Variants in NAP1L1 observed in about 807,000 individuals in gnomAD.
The protein encoded by NAP1L1 is nucleosome assembly protein 1 like 1.
In NAP1L1, 9 loss-of-function variants were observed where a neutral mutation model predicts 58.9. That is an observed-to-expected ratio of 0.15 (90% CI 0.09 to 0.27). The LOEUF (loss-of-function observed/expected upper bound fraction) is 0.27, where lower values mean the gene tolerates loss of function less well. Ranked by LOEUF, NAP1L1 falls within the 10% of genes least tolerant of loss-of-function variation. The pLI is 1.00. For synonymous variants in NAP1L1, 130 were observed against 138.3 expected, an observed-to-expected ratio of 0.94 and a Z score of 0.42; for missense variants, 302 against 458.8, an observed-to-expected ratio of 0.66 and a Z score of 3.12.
In NAP1L1 at chr12:76,056,048, G is replaced by A. The variant is rs1430728531; in HGVS notation, c.543C>T (p.Leu181=). ...ATAAAATTACCTGAACCATATCACT[G>A]AGCAAGTCAACATTCTTAAAAACAG... The part of the protein sequence containing the change: ...WLTVFKNVDL[L]SDMVQEHDEP... The change falls in exon 7 of 15, where the codon CTC becomes CTT. Residue 181 remains leucine, a synonymous_variant. Transcript: ENST00000618691. The A allele has an allele frequency of 1.2e-6, 2 of 1,611,548 alleles. No individual in the cohort carries two copies. The highest frequency in any genetic ancestry group is 1.7e-6 in the Non-Finnish European group (2 of 1,179,730).
intron 2 of NAP1L1, among the ~76,000 whole-genome samples, chr12:76,073,297 A>G (rs1369784929): frequency 6.6e-6 from 1 of 152,088 alleles, no homozygotes; most frequent in African/African-American, 2.4e-5. Flanking sequence ...AAAATAATTT[A>G]GCATCCCCTC....
chr12:76,048,283 G>C lies in NAP1L1; in HGVS notation c.*146C>G. 1.3e-6 allele frequency: 1 copy of C among 785,460 alleles called. No individual in the cohort carries two copies. Among genetic ancestry groups the C allele is most frequent in the Non-Finnish European group, 2.0e-6 (1 of 495,264 alleles). 48.7% of individuals were successfully genotyped at this position (785,460 alleles called of 1,614,324 possible). A position where few individuals can be genotyped will look rare whatever the true frequency, so the allele number is the denominator to read the frequency against. On this transcript the variant is annotated 3_prime_UTR_variant, in exon 15 of 15. Transcript: ENST00000618691. Reference sequence around the variant, plus strand: ...GTTAAAATGCTAGGTAGAACAAATTGGTCTTTAAAATATCAGTTTCCTGTC... The same window carrying C: ...GTTAAAATGCTAGGTAGAACAAATTCGTCTTTAAAATATCAGTTTCCTGTC...
At chr12:76,082,503 T>C (rs1168098292) in intron 1 of NAP1L1, among the ~76,000 whole-genome samples, 1 of 152,240 alleles carries the variant, frequency 6.6e-6, no homozygotes, top group Non-Finnish European at 1.5e-5. Flanking sequence ...CAAATTGGTA[T>C]AGTGAAAACT....
chr12:76,049,134 T>G, intron 14 of NAP1L1, 66 bp downstream of exon 14: 3 of 1,482,704 alleles, frequency 2.0e-6, no homozygotes, highest in Non-Finnish European at 2.8e-6. Context: ...AACTTGATAT[T>G]CAAAAACACC....
chr12:76,078,992 T>C (rs1232056414), intron 1 of NAP1L1, among the ~76,000 whole-genome samples: 9 of 149,486 alleles, frequency 6.0e-5, no homozygotes, highest in African/African-American at 2.3e-4. Context: ...CATATATATA[T>C]ATACACACAC....
rs1482548630 is a variant in NAP1L1, at chr12:76,045,825, TATG to T, written c.*2601_*2603del. On this transcript the variant is annotated 3_prime_UTR_variant, in exon 15 of 15. Coordinates refer to ENST00000618691, the MANE Select transcript of NAP1L1 (RefSeq NM_004537.7). ...TATCAGTTTTCTTTATAAGTGATTA[TATG>T]ATATTTCACCATTTCTAACAGGAAA... is the stretch of plus-strand genomic sequence containing the variant. 2.6e-5 allele frequency: 4 copies of T among 152,102 alleles called. No individual in the cohort carries two copies. The highest frequency in any genetic ancestry group is 6.5e-5 in the Admixed American group (1 of 15,278). 9.4% of individuals were successfully genotyped at this position (152,102 alleles called of 1,614,324 possible). A position where few individuals can be genotyped will look rare whatever the true frequency, so the allele number is the denominator to read the frequency against.
chr12:76,074,004 G>A (rs1442753295), intron 2 of NAP1L1, 199 bp downstream of exon 2: 5 of 481,054 alleles, frequency 1.0e-5, no homozygotes, highest in Non-Finnish European at 1.9e-5. Context: ...CGATGGTTTC[G>A]AATATATGAT....
At chr12:76,059,952 G>C (rs951519297) in intron 5 of NAP1L1, 74 bp from the exon 6 acceptor site, 1 of 1,307,624 alleles carries the variant, frequency 7.6e-7, no homozygotes, top group African/African-American at 1.5e-5. Flanking sequence ...TTCTCACTAA[G>C]AAGTCTTACA....
At chr12:76,054,983 T>C in intron 8 of NAP1L1, 36 bp downstream of exon 8, 2 of 1,456,630 alleles carry the variant, frequency 1.4e-6, no homozygotes, top group Non-Finnish European at 1.9e-6. Context: ...CCTGTAAGCA[T>C]GTTACAAAAT....
At chr12:76,083,792 G>A (rs1449807419) in intron 1 of NAP1L1, 1 of 152,218 alleles carries the variant, frequency 6.6e-6, no homozygotes, top group Non-Finnish European at 1.5e-5. Context: ...AAGAGAAGCA[G>A]GGAAGAGTTT....
chr12:76,060,830 C>T (rs1164168970), intron 4 of NAP1L1, among the ~76,000 whole-genome samples: 3 of 152,160 alleles, frequency 2.0e-5, no homozygotes, highest in Non-Finnish European at 4.4e-5. Flanking sequence ...CTATGGCTCA[C>T]AACTGTAGTC....
intron 11 of NAP1L1, among the ~76,000 whole-genome samples, chr12:76,052,807 G>C (rs964547942): frequency 1.3e-5 from 2 of 152,106 alleles, no homozygotes; most frequent in Non-Finnish European, 1.5e-5. Flanking sequence ...AATATATTCT[G>C]GTTTTACTAA....
In NAP1L1 at chr12:76,061,110, C is replaced by T. The variant is rs1047911534; in HGVS notation, c.207-831G>A. 13 of 388,728 alleles carry T rather than the reference C, an allele frequency of 3.3e-5. No individual in the cohort carries two copies. The Admixed American group carries it at 3.8e-4, about 11-fold the overall frequency. 24.1% of individuals were successfully genotyped at this position (388,728 alleles called of 1,614,324 possible). A position where few individuals can be genotyped will look rare whatever the true frequency, so the allele number is the denominator to read the frequency against. ...ACCCTGTCTCAAAAATAAATAACAG[C>T]TTTGATGAGATAAAGTTCATACACC... On this transcript the variant is annotated intron_variant, in intron 4 of 14. Coordinates refer to ENST00000618691, the MANE Select transcript of NAP1L1 (RefSeq NM_004537.7).
intron 7 of NAP1L1, among the ~76,000 whole-genome samples, chr12:76,055,686 C>A (rs1307955009): frequency 2.0e-5 from 3 of 152,158 alleles, no homozygotes; most frequent in Admixed American, 1.3e-4. Flanking sequence ...ATGCAAATTT[C>A]TCCTGGAAGA....
chr12:76,057,596 G>A (rs1949175667), intron 6 of NAP1L1: 1 of 1,109,764 alleles, frequency 9.0e-7, no homozygotes, highest in Non-Finnish European at 1.4e-6. Context: ...CCAAGGAACA[G>A]AGCCAAGTTA....
At chr12:76,048,610 A>G (rs1948683791) in intron 14 of NAP1L1, 146 bp from the exon 15 acceptor site, 8 of 755,124 alleles carry the variant, frequency 1.1e-5, no homozygotes, top group Admixed American at 5.4e-5. Flanking sequence ...TATTTATTTT[A>G]TTAGCAAGTC....
At chr12:76,058,239 A>T in intron 6 of NAP1L1, 1 of 244,936 alleles carries the variant, frequency 4.1e-6, no homozygotes, top group South Asian at 5.8e-5. Context: ...TCTACAGTAA[A>T]ACTGTAGACT....
At position 76,053,706 on chromosome 12, in the gene NAP1L1, T is replaced by C; in HGVS notation, c.770+64A>G. ...ACATATGTAACTGAAAATAACCGAG[T>C]ATACAAATCAAGTATAACAAAAACA... On this transcript the variant is annotated intron_variant, in intron 9 of 14. Transcript: ENST00000618691. 4.5e-6 allele frequency: 7 copies of C among 1,543,800 alleles called. No homozygotes were observed. The South Asian group carries it at 8.4e-5, about 18-fold the overall frequency.
rs1483458161 is a variant in NAP1L1, at chr12:76,046,755, A to C, written c.*1674T>G. 6.6e-6 allele frequency: 1 copy of C among 152,450 alleles called. No individual in the cohort carries two copies. Among genetic ancestry groups the C allele is most frequent in the Non-Finnish European group, 1.5e-5 (1 of 67,916 alleles). The allele number at this position is 152,450 out of a possible 1,614,324, so 9.4% of individuals were successfully genotyped here. ...GACCTTCCTCTAATGACAATCCAAT[A>C]ATCCACCCTCACTGTCAAAAAAAAG... On this transcript the variant is annotated 3_prime_UTR_variant, in exon 15 of 15. Transcript: ENST00000618691.
Sources: gnomAD v4.1 joint callset for allele counts (sites outside exome capture counted in the v4.1 genomes callset) on GRCh38, gnomAD v4.1.1 for gene constraint, MANE v1.5 for transcripts, NCBI Gene and HGNC (gene_info 2026-07-23, HGNC 2026-07-21) for gene names.